CDKAL1: variants seen among roughly 807,000 people sequenced by gnomAD.
CDKAL1 encodes CDKAL1 threonylcarbamoyladenosine tRNA methylthiotransferase.
CDKAL1 carries 32 observed loss-of-function variants against 68.2 expected under a neutral mutation model. That is an observed-to-expected ratio of 0.47 (90% confidence interval 0.35 to 0.63). The LOEUF (loss-of-function observed/expected upper bound fraction) is 0.63, where lower values mean the gene tolerates loss of function less well. CDKAL1 is among the 30% of genes least tolerant of loss of function. The pLI is 0.00. For synonymous variants in CDKAL1, 234 were observed against 244.3 expected, an observed-to-expected ratio of 0.96 and a Z score of 0.39; for missense variants, 606 against 696.7, an observed-to-expected ratio of 0.87 and a Z score of 1.47.
At chr6:20,835,318 T>G (rs1777886269) in intron 8 of CDKAL1, among the ~76,000 whole-genome samples, 1 of 152,160 alleles carries the variant, frequency 6.6e-6, no homozygotes, top group South Asian at 2.1e-4. Context: ...ATTAAAATAA[T>G]TATTTATTAA....
chr6:20,754,430 T>C (rs1774079650), intron 6 of CDKAL1, among the ~76,000 whole-genome samples: 1 of 152,206 alleles, frequency 6.6e-6, no homozygotes. Context: ...TGTTGTGTAG[T>C]CATCACCACT....
chr6:20,872,047 C>G (rs1760248254), intron 9 of CDKAL1, among the ~76,000 whole-genome samples: 1 of 152,084 alleles, frequency 6.6e-6, no homozygotes, highest in South Asian at 2.1e-4. Flanking sequence ...AAGACTCAAG[C>G]AAGTTCCTTA....
chr6:21,108,128 A>C (rs971038292), intron 12 of CDKAL1, among the ~76,000 whole-genome samples: 1 of 152,152 alleles, frequency 6.6e-6, no homozygotes, highest in African/African-American at 2.4e-5. Context: ...TTTCAAATAC[A>C]GTTTTTGATG....
chr6:20,779,996 C>T (rs1775344800), intron 7 of CDKAL1, among the ~76,000 whole-genome samples: 1 of 151,176 alleles, frequency 6.6e-6, no homozygotes, highest in African/African-American at 2.4e-5. Context: ...TGCCTGTAAT[C>T]CCAGCACTTT....
chr6:20,658,219 T>G (rs987645826), intron 5 of CDKAL1, among the ~76,000 whole-genome samples: 1 of 152,168 alleles, frequency 6.6e-6, no homozygotes, highest in Non-Finnish European at 1.5e-5. Context: ...CCAGCTTGCT[T>G]TGATCATGGA....
chr6:20,662,735 C>T (rs4712525), intron 5 of CDKAL1, among the ~76,000 whole-genome samples: 60,212 of 151,950 alleles, frequency 0.4, 13,061 homozygotes, highest in African/African-American at 0.58. Flanking sequence ...GTTTCCTTTG[C>T]ATGTTTATCT....
At chr6:20,585,278 T>C (rs895094820) in intron 4 of CDKAL1, among the ~76,000 whole-genome samples, 2 of 152,130 alleles carry the variant, frequency 1.3e-5, no homozygotes, top group Non-Finnish European at 2.9e-5. Context: ...GGTCTCGATC[T>C]CCTGACCTCG....
At chr6:20,822,851 T>C (rs1344838703) in intron 8 of CDKAL1, among the ~76,000 whole-genome samples, 2 of 152,138 alleles carry the variant, frequency 1.3e-5, no homozygotes, top group African/African-American at 4.8e-5. Context: ...GAATTGTGAG[T>C]CAAGTAAACC....
At chr6:21,021,655 T>C (rs1159621965) in intron 11 of CDKAL1, among the ~76,000 whole-genome samples, 1 of 152,218 alleles carries the variant, frequency 6.6e-6, no homozygotes, top group Non-Finnish European at 1.5e-5. Context: ...TATCAACTAA[T>C]GTCTCTAAGA....
intron 9 of CDKAL1, among the ~76,000 whole-genome samples, chr6:20,855,263 C>T (rs1358960771): frequency 1.3e-5 from 2 of 151,520 alleles, no homozygotes; most frequent in Non-Finnish European, 2.9e-5. Context: ...ACCAACATGG[C>T]GAAAACCCAT....
At chr6:20,997,326 G>A (rs1767173884) in intron 10 of CDKAL1, among the ~76,000 whole-genome samples, 1 of 152,112 alleles carries the variant, frequency 6.6e-6, no homozygotes, top group Admixed American at 6.6e-5. Flanking sequence ...GAGAGGAATG[G>A]AAGAGAAAGC....
chr6:21,231,098 G>GAAC lies in CDKAL1; in HGVS notation c.*61_*63dup. 1 of 1,347,848 alleles carries GAAC rather than the reference G, an allele frequency of 7.4e-7. No individual in the cohort carries two copies. The highest frequency in any genetic ancestry group is 1.0e-6 in the Non-Finnish European group (1 of 976,448). The allele number at this position is 1,347,848 out of a possible 1,614,324, so 83.5% of individuals were successfully genotyped here. On this transcript the variant is annotated 3_prime_UTR_variant, in exon 16 of 16. Coordinates refer to ENST00000274695, the MANE Select transcript of CDKAL1 (RefSeq NM_017774.3). ...TACATTTCTAATTAAAATCTTCAAT[G>GAAC]AACAGGAAAGCGACATCTCCATTCT...
At chr6:20,673,644 T>C (rs761901898) in intron 5 of CDKAL1, among the ~76,000 whole-genome samples, 2 of 152,152 alleles carry the variant, frequency 1.3e-5, no homozygotes, top group African/African-American at 4.8e-5. Context: ...TGGGAGATGA[T>C]TGAGTCATGG....
intron 15 of CDKAL1, among the ~76,000 whole-genome samples, chr6:21,203,036 C>T (rs1361039990): frequency 6.6e-6 from 1 of 151,768 alleles, no homozygotes. Context: ...AACAGTAAGG[C>T]TTTTGTTGGT....
intron 5 of CDKAL1, among the ~76,000 whole-genome samples, chr6:20,660,285 C>G (rs1415714446): frequency 6.6e-6 from 1 of 152,034 alleles, no homozygotes. Context: ...GGATACTGAC[C>G]TCAGAAAAAT....
At chr6:20,750,951 GAAAAAAAAAAAAAAAAAA>G (rs59244637) in intron 6 of CDKAL1, among the ~76,000 whole-genome samples, 17 of 47,088 alleles carry the variant, frequency 3.6e-4, no homozygotes, top group Admixed American at 2.0e-3. Context: ...GCAACAGAGT[GAAAAAAAAAAAAAAAAAA>G]AAAAAAAAAA....
intron 5 of CDKAL1, among the ~76,000 whole-genome samples, chr6:20,717,651 C>T (rs1198523691): frequency 1.3e-5 from 2 of 152,094 alleles, no homozygotes. Flanking sequence ...TTTAAAAATA[C>T]TACTTTATAA....
chr6:20,911,267 A>G (rs1173435347), intron 9 of CDKAL1, among the ~76,000 whole-genome samples: 1 of 152,216 alleles, frequency 6.6e-6, no homozygotes, highest in Non-Finnish European at 1.5e-5. Context: ...GTAGCTACCC[A>G]CTAAGTAGTA....
intron 9 of CDKAL1, among the ~76,000 whole-genome samples, chr6:20,916,241 A>G (rs914797186): frequency 2.0e-5 from 3 of 152,214 alleles, no homozygotes; most frequent in African/African-American, 7.2e-5. Context: ...GAATTGTAAC[A>G]ATGCCAATTT....
Sources: gnomAD v4.1 joint callset for allele counts (sites outside exome capture counted in the v4.1 genomes callset) on GRCh38, gnomAD v4.1.1 for gene constraint, MANE v1.5 for transcripts, NCBI Gene and HGNC (gene_info 2026-07-23, HGNC 2026-07-21) for gene names.